MAGI2: variants seen among roughly 807,000 people sequenced by gnomAD.
MAGI2 encodes the protein membrane associated guanylate kinase, WW and PDZ domain containing 2.
Under a neutral mutation model 133.3 loss-of-function variants are expected in MAGI2, and 35 were observed. That is an observed-to-expected ratio of 0.26 (90% CI 0.20 to 0.35). The LOEUF is 0.35. Among genes scored for constraint, MAGI2 ranks in the 10% least tolerant of loss-of-function variants. The pLI, the probability that MAGI2 is intolerant of heterozygous loss-of-function variation, is 1.00. For synonymous variants in MAGI2, 729 were observed against 710.6 expected (o/e 1.03, Z -0.41); for missense variants, 1,636 against 1,863.4 (o/e 0.88, Z 2.25).
At chr7:79,301,982 T>C (rs183156528) in intron 1 of MAGI2, among the ~76,000 whole-genome samples, 51 of 152,332 alleles carry the variant, frequency 3.3e-4, no homozygotes, top group African/African-American at 1.2e-3. Flanking sequence ...CTTTTTGCCT[T>C]CTGCAATGAT....
At chr7:78,371,391 T>C (rs1793900076) in intron 6 of MAGI2, among the ~76,000 whole-genome samples, 1 of 151,932 alleles carries the variant, frequency 6.6e-6, no homozygotes, top group African/African-American at 2.4e-5. Flanking sequence ...AGGTTTAACA[T>C]CATCTTATGA....
chr7:78,847,194 A>G (rs1472204089), intron 2 of MAGI2, among the ~76,000 whole-genome samples: 1 of 152,012 alleles, frequency 6.6e-6, no homozygotes, highest in African/African-American at 2.4e-5. Flanking sequence ...CATAATTAAT[A>G]TATTCATTTA....
chr7:78,756,142 T>C (rs901540175), intron 2 of MAGI2, among the ~76,000 whole-genome samples: 5 of 152,092 alleles, frequency 3.3e-5, no homozygotes, highest in African/African-American at 1.2e-4. Context: ...GCTTGCCAGA[T>C]AATGGAGGAT....
At position 78,201,212 on chromosome 7, in the gene MAGI2, T is replaced by C. The variant is rs1482263546; in HGVS notation, c.2048-19A>G. The C allele has an allele frequency of 7.2e-7, 1 of 1,387,200 alleles. No homozygotes were observed. Among genetic ancestry groups the C allele is most frequent in the African/African-American group, 1.5e-5 (1 of 65,744 alleles). 85.9% of individuals were successfully genotyped at this position (1,387,200 alleles called of 1,614,324 possible). ...AAGAAACCTGTAATAAAGAAAACAA[T>C]ATTTGAACTTTGAAAATATTACCGA... is the stretch of plus-strand genomic sequence containing the variant. On this transcript the variant is annotated intron_variant, in intron 10 of 21. Coordinates refer to ENST00000354212, the MANE Select transcript of MAGI2 (RefSeq NM_012301.4).
chr7:79,133,540 T>C (rs1821123663), intron 1 of MAGI2, among the ~76,000 whole-genome samples: 1 of 152,202 alleles, frequency 6.6e-6, no homozygotes, highest in South Asian at 2.1e-4. Context: ...TATCATGCTG[T>C]TTTGGTAACT....
intron 2 of MAGI2, among the ~76,000 whole-genome samples, chr7:78,630,993 AC>A (rs1808930176): frequency 6.6e-6 from 1 of 151,386 alleles, no homozygotes; most frequent in Non-Finnish European, 1.5e-5. Context: ...TCTTCCCTAG[AC>A]CCCATGTCTA....
At chr7:79,377,876 T>A (rs564060082) in intron 1 of MAGI2, among the ~76,000 whole-genome samples, 1 of 151,770 alleles carries the variant, frequency 6.6e-6, no homozygotes, top group Non-Finnish European at 1.5e-5. Flanking sequence ...ACAGGTCACT[T>A]TTAGCTTTCC....
chr7:78,573,291 AAT>A (rs796996861), intron 3 of MAGI2, among the ~76,000 whole-genome samples: 6 of 53,354 alleles, frequency 1.1e-4, no homozygotes, highest in East Asian at 7.0e-4. Context: ...TATTTATATA[AAT>A]ATATATATTT....
At chr7:78,671,498 C>G (rs1814386631) in intron 2 of MAGI2, among the ~76,000 whole-genome samples, 1 of 152,084 alleles carries the variant, frequency 6.6e-6, no homozygotes, top group Non-Finnish European at 1.5e-5. Context: ...ATTTCAACTT[C>G]TCATTTAAAC....
rs530947182 is a variant in MAGI2 at position 78,883,848 on chromosome 7, A to T, written c.418+123242T>A. Among the ~76,000 whole-genome samples, 360 of 152,316 alleles carry T rather than the reference A, an allele frequency of 2.4e-3. 14 individuals carry two copies. The highest frequency in any genetic ancestry group is 0.023 in the Admixed American group (358 of 15,296). ...CGTTTACATTTCACCATATAGAAAA[A>T]TTAATTGAAGATGGATTAAAGATTT... On this transcript the variant is annotated intron_variant, in intron 2 of 21. Transcript: ENST00000354212.
intron 2 of MAGI2, among the ~76,000 whole-genome samples, chr7:78,664,960 A>G (rs1461759294): frequency 1.3e-5 from 2 of 152,114 alleles, no homozygotes; most frequent in Non-Finnish European, 2.9e-5. Context: ...CGTAGATATA[A>G]TAAAAACCCA....
At chr7:78,253,536 A>C (rs1238607321) in intron 10 of MAGI2, 1 of 152,202 alleles carries the variant, frequency 6.6e-6, no homozygotes, top group Non-Finnish European at 1.5e-5. Context: ...AACACCAAAT[A>C]ACCTAGGTAT....
At chr7:78,938,059 T>C (rs1800657151) in intron 2 of MAGI2, among the ~76,000 whole-genome samples, 2 of 152,108 alleles carry the variant, frequency 1.3e-5, no homozygotes, top group African/African-American at 4.8e-5. Flanking sequence ...TGGCAAAATA[T>C]AAGTGACTGT....
intron 1 of MAGI2, among the ~76,000 whole-genome samples, chr7:79,346,829 T>C (rs1841353472): frequency 6.6e-6 from 1 of 152,058 alleles, no homozygotes; most frequent in Non-Finnish European, 1.5e-5. Flanking sequence ...TTCTTAGAGC[T>C]GTTCGTTCAC....
chr7:79,076,770 ATTCT>A (rs1815502754), intron 1 of MAGI2, among the ~76,000 whole-genome samples: 1 of 152,204 alleles, frequency 6.6e-6, no homozygotes, highest in Non-Finnish European at 1.5e-5. Context: ...CCCATAAGTT[ATTCT>A]TTCTTCTTTT....
chr7:79,445,135 T>C (rs933834490), intron 1 of MAGI2, among the ~76,000 whole-genome samples: 2 of 152,146 alleles, frequency 1.3e-5, no homozygotes, highest in Admixed American at 6.5e-5. Flanking sequence ...AAACTGGATC[T>C]CTTCCTTATA....
intron 1 of MAGI2, among the ~76,000 whole-genome samples, chr7:79,431,534 A>G (rs936629282): frequency 1.3e-5 from 2 of 152,200 alleles, no homozygotes; most frequent in Admixed American, 6.5e-5. Flanking sequence ...CTAATATAGT[A>G]TTTTTATGGT....
At chr7:78,794,623 A>G (rs944189317) in intron 2 of MAGI2, among the ~76,000 whole-genome samples, 1 of 152,060 alleles carries the variant, frequency 6.6e-6, no homozygotes, top group African/African-American at 2.4e-5. Flanking sequence ...AAAACAATCC[A>G]AATTCTAAAG....
intron 1 of MAGI2, among the ~76,000 whole-genome samples, chr7:79,353,239 G>A (rs1325939382): frequency 3.3e-5 from 5 of 151,974 alleles, no homozygotes; most frequent in African/African-American, 1.2e-4. Context: ...CAGAGTCTAG[G>A]GAGCACTTCC....
Sources: allele counts gnomAD v4.1 joint callset (sites outside exome capture counted in the v4.1 genomes callset), GRCh38; gene constraint gnomAD v4.1.1; transcripts MANE v1.5; gene names NCBI Gene and HGNC (gene_info 2026-07-23, HGNC 2026-07-21).